Variants in MEIS2 observed in about 807,000 individuals in gnomAD.
The protein encoded by MEIS2 is homeobox protein Meis2.
Under a neutral mutation model 58.6 loss-of-function variants are expected in MEIS2, and 9 were observed. The ratio of observed to expected loss-of-function variants is 0.15; its 90% confidence interval spans 0.09 to 0.27. The LOEUF (loss-of-function observed/expected upper bound fraction) is 0.27. MEIS2 is among the 10% of genes least tolerant of loss of function. MEIS2 has a pLI of 1.00. For synonymous variants in MEIS2, 221 were observed against 228.4 expected (o/e 0.97, Z 0.29); for missense variants, 427 against 635.0 (o/e 0.67, Z 3.52).
chr15:36,997,396 G>A (rs2060559200), intron 8 of MEIS2, among the ~76,000 whole-genome samples: 1 of 152,032 alleles, frequency 6.6e-6, no homozygotes, highest in South Asian at 2.1e-4. Context: ...AGTTAGGAAA[G>A]GGAAAGGAAA....
chr15:36,982,475 G>A (rs906300181), intron 8 of MEIS2, among the ~76,000 whole-genome samples: 1 of 152,120 alleles, frequency 6.6e-6, no homozygotes, highest in African/African-American at 2.4e-5. Context: ...ACAAATGACA[G>A]GATTTTCTTC....
At chr15:36,972,044 A>G (rs1366739872) in intron 8 of MEIS2, among the ~76,000 whole-genome samples, 1 of 152,250 alleles carries the variant, frequency 6.6e-6, no homozygotes, top group Non-Finnish European at 1.5e-5. Context: ...CAATAGGAGA[A>G]CAATATAGTA....
intron 10 of MEIS2, 75 bp downstream of exon 10, chr15:36,896,553 A>G: frequency 8.7e-7 from 1 of 1,154,964 alleles, no homozygotes; most frequent in South Asian, 1.8e-5. Context: ...TTATCAGATG[A>G]GGAAACTACT....
At chr15:36,988,434 C>A (rs1034816246) in intron 8 of MEIS2, among the ~76,000 whole-genome samples, 2 of 150,980 alleles carry the variant, frequency 1.3e-5, no homozygotes, top group Non-Finnish European at 3.0e-5. Flanking sequence ...AGCTGACATT[C>A]CTGTCACTTG....
intron 7 of MEIS2, among the ~76,000 whole-genome samples, chr15:37,081,330 T>C (rs913517306): frequency 6.6e-6 from 1 of 152,160 alleles, no homozygotes; most frequent in African/African-American, 2.4e-5. Flanking sequence ...GACATAAATT[T>C]CTCTCCCACG....
intron 8 of MEIS2, among the ~76,000 whole-genome samples, chr15:37,002,862 T>C (rs996499763): frequency 7.2e-5 from 11 of 152,198 alleles, no homozygotes; most frequent in Admixed American, 5.9e-4. Flanking sequence ...TTTATTTTAT[T>C]TGCTTTCAAT....
chr15:36,995,237 G>A (rs1465889844), intron 8 of MEIS2, among the ~76,000 whole-genome samples: 1 of 152,148 alleles, frequency 6.6e-6, no homozygotes, highest in Non-Finnish European at 1.5e-5. Flanking sequence ...TTTATGTAAA[G>A]TCTATTTGAT....
At chr15:37,071,727 T>C (rs1174616735) in intron 7 of MEIS2, among the ~76,000 whole-genome samples, 2 of 152,026 alleles carry the variant, frequency 1.3e-5, no homozygotes, top group Non-Finnish European at 2.9e-5. Flanking sequence ...GATTTGCCCA[T>C]GATAAGTGAC....
At chr15:36,924,058 C>G (rs2057637455) in intron 9 of MEIS2, among the ~76,000 whole-genome samples, 1 of 152,226 alleles carries the variant, frequency 6.6e-6, no homozygotes, top group Admixed American at 6.5e-5. Context: ...GTGAAACTAT[C>G]TGCAATATCA....
At chr15:36,930,219 AAG>A (rs973270815) in intron 9 of MEIS2, among the ~76,000 whole-genome samples, 2 of 148,044 alleles carry the variant, frequency 1.4e-5, no homozygotes, top group African/African-American at 4.9e-5. Context: ...AAAAAAAAAA[AAG>A]AGAGAGAGAG....
intron 8 of MEIS2, among the ~76,000 whole-genome samples, chr15:36,967,615 G>T (rs1313596120): frequency 6.6e-6 from 1 of 152,152 alleles, no homozygotes. Flanking sequence ...TTCTTGGCCT[G>T]CACTCTAAGG....
At chr15:36,961,407 A>C (rs1224933426) in intron 8 of MEIS2, among the ~76,000 whole-genome samples, 3 of 152,162 alleles carry the variant, frequency 2.0e-5, no homozygotes, top group African/African-American at 7.2e-5. Context: ...CACTCGTTCA[A>C]GACAAAAGTG....
At chr15:36,995,997 A>ATGTGTGTGTGTG (rs1567160055) in intron 8 of MEIS2, among the ~76,000 whole-genome samples, 3 of 56,802 alleles carry the variant, frequency 5.3e-5, no homozygotes, top group African/African-American at 1.1e-4. Flanking sequence ...ATATATATAT[A>ATGTGTGTGTGTG]TATATGTATA....
intron 8 of MEIS2, among the ~76,000 whole-genome samples, chr15:37,035,025 CG>C (rs2062094475): frequency 6.6e-6 from 1 of 152,132 alleles, no homozygotes; most frequent in Admixed American, 6.5e-5. Flanking sequence ...TGAAAACACA[CG>C]TAGCTGTTTG....
chr15:37,060,713 A>T (rs1216275281), intron 7 of MEIS2, among the ~76,000 whole-genome samples: 1 of 152,220 alleles, frequency 6.6e-6, no homozygotes, highest in African/African-American at 2.4e-5. Context: ...TGATCTCGTA[A>T]TGATTCTAAG....
chr15:37,096,436 G>A lies in MEIS2; in HGVS notation c.246-6C>T, dbSNP rs781735759. 2.5e-6 allele frequency: 4 copies of A among 1,612,074 alleles called. No homozygotes were observed. The highest frequency in any genetic ancestry group is 2.7e-5 in the African/African-American group (2 of 74,872). Reference sequence around the variant, plus strand: ...ACAGAGGAAACAACGGGTGCCTAACGGGCAGCGCCACGCAGAGACACACAC... The same window carrying A: ...ACAGAGGAAACAACGGGTGCCTAACAGGCAGCGCCACGCAGAGACACACAC... On this transcript the variant is annotated splice_region_variant and splice_polypyrimidine_tract_variant and intron_variant, in intron 2 of 11. Coordinates refer to ENST00000561208, the MANE Select transcript of MEIS2 (RefSeq NM_170675.5).
chr15:37,042,432 G>A (rs1453844248), intron 7 of MEIS2, among the ~76,000 whole-genome samples: 2 of 152,100 alleles, frequency 1.3e-5, no homozygotes. Context: ...TTACCATTGA[G>A]GAAACTGAAG....
intron 8 of MEIS2, among the ~76,000 whole-genome samples, chr15:36,990,105 C>T (rs1245895311): frequency 6.6e-6 from 1 of 152,082 alleles, no homozygotes; most frequent in East Asian, 1.9e-4. Context: ...CCACCACGCC[C>T]AGCTAAATTT....
At chr15:36,914,757 C>T (rs544111163) in intron 9 of MEIS2, among the ~76,000 whole-genome samples, 1 of 152,188 alleles carries the variant, frequency 6.6e-6, no homozygotes, top group East Asian at 1.9e-4. Context: ...CATAAGAAAC[C>T]TTAACCTCTA....
Sources: gnomAD v4.1 joint callset for allele counts (sites outside exome capture counted in the v4.1 genomes callset) on GRCh38, gnomAD v4.1.1 for gene constraint, MANE v1.5 for transcripts, NCBI Gene and HGNC (gene_info 2026-07-23, HGNC 2026-07-21) for gene names.